CEP104: variants seen among roughly 807,000 people sequenced by gnomAD.
The protein encoded by CEP104 is centrosomal protein 104.
Under a neutral mutation model 113.3 loss-of-function variants are expected in CEP104, and 84 were observed. That is an observed-to-expected ratio of 0.74 (90% CI 0.62 to 0.89). The LOEUF is 0.89. Ranked by LOEUF, CEP104 falls within the 40% of genes least tolerant of loss-of-function variation. The pLI is 0.00. For missense variants in CEP104, 1,053 were observed against 1,156.6 expected, an observed-to-expected ratio of 0.91 and a Z score of 1.30; for synonymous variants, 378 against 421.7, an observed-to-expected ratio of 0.90 and a Z score of 1.27.
At chr1:3,844,627 G>A (rs973013834) in intron 6 of CEP104, among the ~76,000 whole-genome samples, 2 of 147,830 alleles carry the variant, frequency 1.4e-5, no homozygotes, top group Non-Finnish European at 3.0e-5. Context: ...GAACTCAGGA[G>A]GTAGAAGTTA....
intron 4 of CEP104, among the ~76,000 whole-genome samples, chr1:3,846,281 C>A (rs1157293235): frequency 2.6e-5 from 4 of 152,134 alleles, no homozygotes; most frequent in African/African-American, 7.2e-5. Flanking sequence ...TGGGGAGTCA[C>A]TTTTCCATCC....
intron 4 of CEP104, among the ~76,000 whole-genome samples, chr1:3,846,015 G>GT (rs1239848760): frequency 6.9e-6 from 1 of 145,876 alleles, no homozygotes; most frequent in African/African-American, 2.6e-5. Context: ...TGAGACAGAG[G>GT]TTGCAGTGAG....
chr1:3,838,067 G>A (rs1644348012), intron 8 of CEP104, among the ~76,000 whole-genome samples: 1 of 152,208 alleles, frequency 6.6e-6, no homozygotes, highest in South Asian at 2.1e-4. Context: ...GAAAACTGAG[G>A]CATAAAGCTG....
At chr1:3,829,435 A>G in intron 14 of CEP104, 62 bp from the exon 15 acceptor site, 1 of 1,144,934 alleles carries the variant, frequency 8.7e-7, no homozygotes, top group South Asian at 1.4e-5. Context: ...AAACTGGGAG[A>G]CAAATTATGG....
At chr1:3,845,656 C>G (rs2124687637) in intron 4 of CEP104, among the ~76,000 whole-genome samples, 1 of 152,260 alleles carries the variant, frequency 6.6e-6, no homozygotes, top group East Asian at 1.9e-4. Flanking sequence ...CTGACCTACA[C>G]TGTTATCAAA....
At chr1:3,842,001 C>G (rs1464185248) in intron 6 of CEP104, among the ~76,000 whole-genome samples, 4 of 152,194 alleles carry the variant, frequency 2.6e-5, no homozygotes, top group African/African-American at 9.7e-5. Flanking sequence ...CATCCAATTG[C>G]CAGCTTGAAG....
At chr1:3,822,325 CTGTT>C (rs1176075472) in intron 20 of CEP104, among the ~76,000 whole-genome samples, 2 of 152,310 alleles carry the variant, frequency 1.3e-5, no homozygotes, top group South Asian at 2.1e-4. Flanking sequence ...GCTGTCTTCT[CTGTT>C]TGGTGTGAGT....
At chr1:3,822,112 A>T (rs1403255196) in intron 20 of CEP104, among the ~76,000 whole-genome samples, 1 of 152,072 alleles carries the variant, frequency 6.6e-6, no homozygotes, top group Non-Finnish European at 1.5e-5. Context: ...GAGAAACAAG[A>T]CGGGCTGAGT....
At chr1:3,824,386 G>A (rs1009757802) in intron 18 of CEP104, among the ~76,000 whole-genome samples, 29 of 152,292 alleles carry the variant, frequency 1.9e-4, no homozygotes, top group African/African-American at 7.0e-4. Flanking sequence ...TGCCCAGCCA[G>A]GTATTTCTCT....
intron 20 of CEP104, among the ~76,000 whole-genome samples, chr1:3,821,632 CG>C (rs534619686): frequency 7.9e-5 from 12 of 152,146 alleles, no homozygotes; most frequent in Non-Finnish European, 1.5e-4. Flanking sequence ...ACGCGCCTCC[CG>C]GGGGACACAC....
intron 18 of CEP104, among the ~76,000 whole-genome samples, chr1:3,824,315 A>C (rs1351428013): frequency 1.3e-5 from 2 of 152,070 alleles, no homozygotes; most frequent in Non-Finnish European, 2.9e-5. Context: ...TGAACTCCTG[A>C]CCTCAGGTGA....
At position 3,823,008 on chromosome 1, in the gene CEP104, C is replaced by T. The variant is rs1470065297; in HGVS notation, c.2571+166G>A. 10 of 661,026 alleles carry T rather than the reference C, an allele frequency of 1.5e-5. No individual in the cohort carries two copies. The highest frequency in any genetic ancestry group is 3.6e-5 in the African/African-American group (2 of 55,802). The allele number at this position is 661,026 out of a possible 1,614,324, so 40.9% of individuals were successfully genotyped here. On this transcript the variant is annotated intron_variant, in intron 20 of 21. Coordinates refer to ENST00000378230, the MANE Select transcript of CEP104 (RefSeq NM_014704.4). The surrounding 1 kb of genome is among the most constrained non-coding windows in gnomAD (Gnocchi z 4.1). ...GAAATCATGTGAACACGTAGGTAAA[C>T]GGAACGACTGCTCAGACAGGGCTCA...
chr1:3,817,518 C>A (rs1380935685), intron 20 of CEP104, among the ~76,000 whole-genome samples: 1 of 152,142 alleles, frequency 6.6e-6, no homozygotes, highest in Non-Finnish European at 1.5e-5. Flanking sequence ...GCTTGCAGCC[C>A]CAGCCCAGCC....
chr1:3,829,893 G>T lies in CEP104; in HGVS notation c.1941C>A (p.Tyr647Ter). Residue 647 changes from tyrosine to a stop codon, truncating the protein, a stop_gained, in exon 14 of 22, where the codon TAC becomes TAA. Coordinates refer to ENST00000378230, the MANE Select transcript of CEP104 (RefSeq NM_014704.4). LOFTEE classifies it high-confidence loss of function. ...YRQHQASILE[Y>*]LPPDDSNTRR... ...GTGTGTTGCTGTCGTCTGGAGGAAG[G>T]TACTCCAGGATGGAAGCCTGGTGCT... The T allele has an allele frequency of 6.2e-7, 1 of 1,613,978 alleles. No homozygotes were observed. The highest frequency in any genetic ancestry group is 8.5e-7 in the Non-Finnish European group (1 of 1,179,894).
At position 3,823,713 on chromosome 1, in the gene CEP104, G is replaced by A; in HGVS notation, c.2365-151C>T. 1 of 893,332 alleles carries A rather than the reference G, an allele frequency of 1.1e-6. No homozygotes were observed. The highest frequency in any genetic ancestry group is 1.6e-5 in the South Asian group (1 of 60,850). The allele number at this position is 893,332 out of a possible 1,614,324, so 55.3% of individuals were successfully genotyped here. A position where few individuals can be genotyped will look rare whatever the true frequency, so the allele number is the denominator to read the frequency against. On this transcript the variant is annotated intron_variant, in intron 18 of 21. Coordinates refer to ENST00000378230, the MANE Select transcript of CEP104 (RefSeq NM_014704.4). This position sits in a 1 kb window ranked among gnomAD's most constrained non-coding sequence, Gnocchi z 4.1. Reference sequence around the variant, plus strand: ...CCACAGGCTTCTATCTTCGGCATTTGCCCACAGACTGTCTGGAGTCACTTG... The same window carrying A: ...CCACAGGCTTCTATCTTCGGCATTTACCCACAGACTGTCTGGAGTCACTTG...
intron 10 of CEP104, 22 bp from the exon 11 acceptor site, chr1:3,835,114 T>G (rs1320902070): frequency 6.2e-7 from 1 of 1,605,178 alleles, no homozygotes; most frequent in Non-Finnish European, 8.5e-7. Flanking sequence ...CAGGCAGCAT[T>G]TCATGGCATC....
chr1:3,827,226 A>T (rs2124650739), intron 15 of CEP104, among the ~76,000 whole-genome samples: 1 of 152,278 alleles, frequency 6.6e-6, no homozygotes, highest in South Asian at 2.1e-4. Flanking sequence ...TGTTCTTATT[A>T]TCATTATTTT....
chr1:3,849,643 G>A (rs1644574477), intron 2 of CEP104, among the ~76,000 whole-genome samples: 1 of 152,178 alleles, frequency 6.6e-6, no homozygotes, highest in Admixed American at 6.5e-5. Context: ...GCACATTTGG[G>A]GCAGGAGGGC....
At chr1:3,841,463 T>C (rs1424184143) in intron 6 of CEP104, among the ~76,000 whole-genome samples, 1 of 152,066 alleles carries the variant, frequency 6.6e-6, no homozygotes, top group Non-Finnish European at 1.5e-5. Context: ...GTGTAACACA[T>C]ATGACACTTT....
Sources: allele counts gnomAD v4.1 joint callset (sites outside exome capture counted in the v4.1 genomes callset), GRCh38; gene constraint gnomAD v4.1.1; non-coding constraint Gnocchi (gnomAD v3.1); transcripts MANE v1.5; gene names NCBI Gene and HGNC (gene_info 2026-07-23, HGNC 2026-07-21).